ZSCAN5A: variants seen among roughly 807,000 people sequenced by gnomAD.
ZSCAN5A encodes zinc finger and SCAN domain-containing protein 5A.
In ZSCAN5A, 12 loss-of-function variants were observed where a neutral mutation model predicts 23.7. The observed-to-expected ratio is 0.51, with a 90% CI of 0.32 to 0.82. ZSCAN5A has a LOEUF of 0.82. Among genes scored for constraint, ZSCAN5A ranks in the 40% least tolerant of loss-of-function variants. The pLI, the probability that ZSCAN5A is intolerant of heterozygous loss-of-function variation, is 0.03. For synonymous variants in ZSCAN5A, 257 were observed against 239.9 expected, an observed-to-expected ratio of 1.07 and a Z score of -0.66; for missense variants, 597 against 617.9, an observed-to-expected ratio of 0.97 and a Z score of 0.36.
intron 1 of ZSCAN5A, among the ~76,000 whole-genome samples, chr19:56,363,878 A>C (rs2041749065): frequency 6.6e-6 from 1 of 152,232 alleles, no homozygotes; most frequent in South Asian, 2.1e-4. Flanking sequence ...TTTAAAGAGG[A>C]AGCAGACCAT....
At chr19:56,331,068 TCAC>T (rs1254870800) in intron 2 of ZSCAN5A, among the ~76,000 whole-genome samples, 1 of 152,234 alleles carries the variant, frequency 6.6e-6, no homozygotes, top group Non-Finnish European at 1.5e-5. Context: ...AGGTAGTTCT[TCAC>T]CATTGTTTTT....
At chr19:56,231,170 G>A (rs61582474) in intron 2 of ZSCAN5A, among the ~76,000 whole-genome samples, 10,296 of 152,030 alleles carry the variant, frequency 0.068, 648 homozygotes, top group East Asian at 0.27. Context: ...CTGTGATCAC[G>A]CCACTGCACT....
intron 2 of ZSCAN5A, among the ~76,000 whole-genome samples, chr19:56,234,387 T>C (rs2034706871): frequency 1.3e-5 from 2 of 152,074 alleles, no homozygotes; most frequent in Admixed American, 6.5e-5. Context: ...TTGTAATCAA[T>C]GTTAGGGACC....
At chr19:56,345,234 C>T (rs1359341883) in intron 2 of ZSCAN5A, among the ~76,000 whole-genome samples, 1 of 152,118 alleles carries the variant, frequency 6.6e-6, no homozygotes, top group African/African-American at 2.4e-5. Flanking sequence ...CTTGAAAAAG[C>T]ATTTGAGTAG....
intron 2 of ZSCAN5A, among the ~76,000 whole-genome samples, chr19:56,276,716 C>T (rs62122536): frequency 0.42 from 63,556 of 151,180 alleles, 14,500 homozygotes; most frequent in Non-Finnish European, 0.51. Flanking sequence ...TTTGTATTTT[C>T]AGTATAGACG....
At chr19:56,227,865 G>A (rs2146447637) in intron 2 of ZSCAN5A, among the ~76,000 whole-genome samples, 1 of 152,116 alleles carries the variant, frequency 6.6e-6, no homozygotes, top group East Asian at 1.9e-4. Flanking sequence ...ACCAGCCTGA[G>A]CAATATACCG....
At chr19:56,241,822 T>C (rs1011457809) in intron 2 of ZSCAN5A, among the ~76,000 whole-genome samples, 1 of 151,620 alleles carries the variant, frequency 6.6e-6, no homozygotes, top group Non-Finnish European at 1.5e-5. Context: ...CATCTACTTC[T>C]TTTTTAATTT....
At chr19:56,342,486 G>A in intron 2 of ZSCAN5A, 1 of 400,658 alleles carries the variant, frequency 2.5e-6, no homozygotes, top group Non-Finnish European at 5.1e-6. Flanking sequence ...TTCTGTGTGG[G>A]CTGGAACAGT....
intron 2 of ZSCAN5A, among the ~76,000 whole-genome samples, chr19:56,303,217 C>T (rs1310823089): frequency 6.6e-5 from 10 of 152,274 alleles, no homozygotes; most frequent in South Asian, 2.1e-4. Context: ...CGGTGGCTCA[C>T]GCTTGTCATC....
rs903038511 is a variant in ZSCAN5A at position 56,242,292 on chromosome 19, G to A, written c.-127-17119C>T. Among the ~76,000 whole-genome samples the A allele has an allele frequency of 4.0e-4, 61 of 152,168 alleles. 1 individual carries two copies. The highest frequency in any genetic ancestry group is 1.3e-4 in the Non-Finnish European group (9 of 68,014). On this transcript the variant is annotated intron_variant, in intron 2 of 5. Transcript: ENST00000683990. The stretch of plus-strand genomic sequence containing the variant: ...CATGTCCCTGATGATGAGTGATGAC[G>A]AGCACCTTTTCCTAGACCTGCTGGC...
chr19:56,283,174 T>C (rs2038839147), intron 2 of ZSCAN5A, among the ~76,000 whole-genome samples: 2 of 152,176 alleles, frequency 1.3e-5, no homozygotes, highest in African/African-American at 2.4e-5. Flanking sequence ...ATCCAGACTT[T>C]ACCACCTCTT....
chr19:56,340,259 GC>G (rs1047456443), intron 2 of ZSCAN5A, among the ~76,000 whole-genome samples: 1 of 152,072 alleles, frequency 6.6e-6, no homozygotes, highest in Admixed American at 6.6e-5. Context: ...TCATTTGAAA[GC>G]CCCCCTATCA....
chr19:56,222,866 A>G, intron 4 of ZSCAN5A, 125 bp from the exon 5 acceptor site: 1 of 1,352,488 alleles, frequency 7.4e-7, no homozygotes, highest in Admixed American at 2.1e-5. Flanking sequence ...ATACGTGCAG[A>G]CTTCCCCTGG....
chr19:56,278,820 G>A (rs991131802), intron 2 of ZSCAN5A, among the ~76,000 whole-genome samples: 1 of 152,140 alleles, frequency 6.6e-6, no homozygotes. Context: ...GGAGTACCTG[G>A]AGTTCTGACA....
chr19:56,298,267 G>A (rs532478280), intron 2 of ZSCAN5A: 2 of 152,150 alleles, frequency 1.3e-5, no homozygotes, highest in South Asian at 4.1e-4. Flanking sequence ...GAAACTTTAT[G>A]CCAATAAAAT....
intron 2 of ZSCAN5A, among the ~76,000 whole-genome samples, chr19:56,294,028 G>A (rs1274926926): frequency 2.0e-5 from 3 of 152,130 alleles, no homozygotes; most frequent in Admixed American, 6.5e-5. Context: ...TGCTCCTTTC[G>A]CTCCTTTTCC....
intron 2 of ZSCAN5A, among the ~76,000 whole-genome samples, chr19:56,311,667 A>T (rs1226374520): frequency 6.6e-6 from 1 of 152,046 alleles, no homozygotes; most frequent in African/African-American, 2.4e-5. Context: ...AAATGAGATA[A>T]TATATATATA....
intron 2 of ZSCAN5A, among the ~76,000 whole-genome samples, chr19:56,276,155 T>G (rs1264448396): frequency 6.6e-6 from 1 of 152,210 alleles, no homozygotes. Flanking sequence ...TAGCTACCTC[T>G]CCTAAAATTC....
chr19:56,255,274 C>T (rs2036616666), intron 2 of ZSCAN5A, among the ~76,000 whole-genome samples: 1 of 152,078 alleles, frequency 6.6e-6, no homozygotes, highest in African/African-American at 2.4e-5. Flanking sequence ...ATATAACCTA[C>T]AATTCCAAGA....
Sources: gnomAD v4.1 joint callset for allele counts (sites outside exome capture counted in the v4.1 genomes callset) on GRCh38, gnomAD v4.1.1 for gene constraint, MANE v1.5 for transcripts, NCBI Gene and HGNC (gene_info 2026-07-23, HGNC 2026-07-21) for gene names.